Variants in GABRA1 observed in about 807,000 individuals in gnomAD.
GABRA1 encodes gamma-aminobutyric acid receptor subunit alpha-1.
In GABRA1, 9 loss-of-function variants were observed where a neutral mutation model predicts 48.9. That is an observed-to-expected ratio of 0.18 (90% CI 0.11 to 0.32). The LOEUF (loss-of-function observed/expected upper bound fraction) is 0.32, where lower values mean the gene tolerates loss of function less well. GABRA1 is among the 10% of genes least tolerant of loss of function. GABRA1 has a pLI of 1.00. For missense variants in GABRA1, 285 were observed against 553.8 expected, an observed-to-expected ratio of 0.51 and a Z score of 4.87; for synonymous variants, 210 against 198.7, an observed-to-expected ratio of 1.06 and a Z score of -0.48.
chr5:161,881,260 T>C (rs1292933293), intron 6 of GABRA1, among the ~76,000 whole-genome samples: 1 of 152,156 alleles, frequency 6.6e-6, no homozygotes, highest in East Asian at 1.9e-4. Context: ...TTTTCTTTAA[T>C]GTTTAACCTC....
At chr5:161,873,398 G>T in intron 5 of GABRA1, 61 bp downstream of exon 5, 2 of 1,339,922 alleles carry the variant, frequency 1.5e-6, no homozygotes, top group Non-Finnish European at 2.1e-6. Context: ...TCCACTTGTA[G>T]GCAATCATCA....
At chr5:161,890,162 T>A (rs1331572317) in intron 7 of GABRA1, among the ~76,000 whole-genome samples, 1 of 152,048 alleles carries the variant, frequency 6.6e-6, no homozygotes, top group African/African-American at 2.4e-5. Context: ...TTTAAGGACC[T>A]TGGAGAGCAC....
chr5:161,876,088 T>C (rs1021525289), intron 6 of GABRA1, among the ~76,000 whole-genome samples: 1 of 152,068 alleles, frequency 6.6e-6, no homozygotes, highest in Non-Finnish European at 1.5e-5. Flanking sequence ...TTCTTAATAA[T>C]GAAGCCTACA....
chr5:161,885,975 G>A (rs779911944), intron 7 of GABRA1, among the ~76,000 whole-genome samples: 6 of 152,140 alleles, frequency 3.9e-5, no homozygotes, highest in Non-Finnish European at 8.8e-5. Context: ...TCTTAGTTGA[G>A]TGAGATAAAT....
intron 1 of GABRA1, 63 bp from the exon 2 acceptor site, chr5:161,850,733 C>T: frequency 7.3e-7 from 1 of 1,374,398 alleles, no homozygotes; most frequent in Non-Finnish European, 1.0e-6. Context: ...TCAGTCAGCC[C>T]TGGTGGTTAT....
chr5:161,865,800 C>A lies in GABRA1; in HGVS notation c.255+12C>A, dbSNP rs144727170. On this transcript the variant is annotated intron_variant, in intron 4 of 9. Coordinates refer to ENST00000393943, the MANE Select transcript of GABRA1 (RefSeq NM_001127644.2). ...CAGACCATGATATGGTAAGTGGACACTTTATCTTTGCTTTTCTTGAAGAAT... is the reference window on the plus strand; with the variant it reads ...CAGACCATGATATGGTAAGTGGACAATTTATCTTTGCTTTTCTTGAAGAAT... 1 of 1,605,914 alleles carries A rather than the reference C, an allele frequency of 6.2e-7. No individual in the cohort carries two copies. Among genetic ancestry groups the A allele is most frequent in the Non-Finnish European group, 8.5e-7 (1 of 1,172,930 alleles).
chr5:161,866,502 T>C (rs1001746967), intron 4 of GABRA1, among the ~76,000 whole-genome samples: 4 of 152,102 alleles, frequency 2.6e-5, no homozygotes, highest in Non-Finnish European at 1.5e-5. Context: ...CATACCATTA[T>C]GAATATTTCA....
intron 6 of GABRA1, chr5:161,881,965 A>C: frequency 1.5e-5 from 2 of 137,496 alleles, no homozygotes; most frequent in South Asian, 2.6e-4. Flanking sequence ...GGGCAGGGGG[A>C]GGGGGAGGAG....
intron 6 of GABRA1, among the ~76,000 whole-genome samples, chr5:161,880,851 A>G (rs1260320802): frequency 6.6e-6 from 1 of 152,142 alleles, no homozygotes; most frequent in African/African-American, 2.4e-5. Context: ...ACACCTCACT[A>G]TATCTTATCT....
chr5:161,892,701 A>AC (rs1755150058), intron 8 of GABRA1, among the ~76,000 whole-genome samples: 1 of 150,546 alleles, frequency 6.6e-6, no homozygotes, highest in Non-Finnish European at 1.5e-5. Context: ...AAACAAACAA[A>AC]AACAAACAAA....
intron 7 of GABRA1, among the ~76,000 whole-genome samples, chr5:161,883,450 T>C (rs1258975985): frequency 6.6e-6 from 1 of 152,182 alleles, no homozygotes; most frequent in Non-Finnish European, 1.5e-5. Flanking sequence ...ATAAAAGTTT[T>C]GTTATTCAAG....
In GABRA1 at chr5:161,882,931, G is replaced by T. The variant is rs192644140; in HGVS notation, c.703+230G>T. Among the ~76,000 whole-genome samples the T allele has an allele frequency of 1.8e-3, 276 of 152,236 alleles. 1 individual carries two copies. The highest frequency in any genetic ancestry group is 6.2e-3 in the African/African-American group (259 of 41,552). Reference sequence around the variant, plus strand: ...TGTTTGTTTGCAAATTGAGAAACTGGCTATAAGTAATTACTGTAGCACAAC... The same window carrying T: ...TGTTTGTTTGCAAATTGAGAAACTGTCTATAAGTAATTACTGTAGCACAAC... On this transcript the variant is annotated intron_variant, in intron 7 of 9. Coordinates refer to ENST00000393943, the MANE Select transcript of GABRA1 (RefSeq NM_001127644.2).
At chr5:161,869,516 T>C (rs1277054235) in intron 4 of GABRA1, among the ~76,000 whole-genome samples, 3 of 152,176 alleles carry the variant, frequency 2.0e-5, no homozygotes, top group African/African-American at 7.2e-5. Flanking sequence ...TAATTGGCAA[T>C]CAAACAGAAC....
chr5:161,895,638 T>A, intron 8 of GABRA1, 28 bp from the exon 9 acceptor site: 1 of 1,587,556 alleles, frequency 6.3e-7, no homozygotes, highest in Non-Finnish European at 8.6e-7. Context: ...TGAACTGGCA[T>A]CATGTATGTT....
intron 1 of GABRA1, 39 bp downstream of exon 1, chr5:161,848,461 T>C (rs1308251779): frequency 7.3e-6 from 1 of 137,836 alleles, no homozygotes; most frequent in Non-Finnish European, 1.5e-5. Context: ...AGACAGAGCT[T>C]TGAACGTGGC....
intron 3 of GABRA1, among the ~76,000 whole-genome samples, chr5:161,861,360 C>G (rs1016756509): frequency 2.0e-5 from 3 of 151,850 alleles, no homozygotes; most frequent in Non-Finnish European, 1.5e-5. Context: ...ATTGCTCCAA[C>G]AGCAAAATAT....
intron 7 of GABRA1, among the ~76,000 whole-genome samples, chr5:161,883,891 A>T (rs10041118): frequency 0.012 from 1,820 of 151,710 alleles, 14 homozygotes; most frequent in African/African-American, 0.013. Context: ...TTTTTTTTTT[A>T]AAAAATGGAA....
intron 6 of GABRA1, 127 bp downstream of exon 6, chr5:161,875,769 CT>C (rs1754322067): frequency 8.0e-6 from 6 of 746,948 alleles, no homozygotes; most frequent in Non-Finnish European, 1.2e-5. Context: ...ACCACATGGA[CT>C]TTCCATAAGT....
chr5:161,857,395 A>G (rs917911070), intron 3 of GABRA1, among the ~76,000 whole-genome samples: 1 of 151,568 alleles, frequency 6.6e-6, no homozygotes, highest in African/African-American at 2.4e-5. Context: ...CTGCATCAGA[A>G]GGTATAGCAC....
Sources: gnomAD v4.1 joint callset for allele counts (sites outside exome capture counted in the v4.1 genomes callset) on GRCh38, gnomAD v4.1.1 for gene constraint, MANE v1.5 for transcripts, NCBI Gene and HGNC (gene_info 2026-07-23, HGNC 2026-07-21) for gene names.